Variants in ESPN observed in about 807,000 individuals in gnomAD.
ESPN encodes the protein espin, also known as autosomal recessive deafness type 36 protein.
ESPN carries 68 observed loss-of-function variants against 77.7 expected under a neutral mutation model. The ratio of observed to expected loss-of-function variants is 0.87; its 90% CI spans 0.72 to 1.07. ESPN has a LOEUF of 1.07. Ranked by LOEUF, ESPN falls within the 50% of genes least tolerant of loss-of-function variation. The probability of loss-of-function intolerance (pLI) is 0.00; values close to 1 mark genes in which losing one functional copy is unlikely to be tolerated. For synonymous variants in ESPN, 449 were observed against 567.1 expected (o/e 0.79, Z 2.96); for missense variants, 1,060 against 1,239.0 (o/e 0.86, Z 2.17).
Position 6,450,595 on chromosome 1 carries a change from G to C in ESPN, c.1916-1008G>C, listed in dbSNP as rs943367612. ...GGCAGGGGCAGGGGCTGGCAGGCGA[G>C]AGAACCTCGAAGAATGGGTGGGGCC... On this transcript the variant is annotated intron_variant, in intron 8 of 12. Coordinates refer to ENST00000645284, the MANE Select transcript of ESPN (RefSeq NM_031475.3). The surrounding 1 kb of genome is among the most constrained non-coding windows in gnomAD (Gnocchi z 4.3). 1 of 337,058 alleles carries C rather than the reference G, an allele frequency of 3.0e-6. No homozygotes were observed. The highest frequency in any genetic ancestry group is 4.2e-6 in the Non-Finnish European group (1 of 237,518). The allele number at this position is 337,058 out of a possible 1,614,324, so 20.9% of individuals were successfully genotyped here.
At chr1:6,441,660 C>T (rs1415259299) in intron 5 of ESPN, among the ~76,000 whole-genome samples, 2 of 152,268 alleles carry the variant, frequency 1.3e-5, no homozygotes, top group African/African-American at 4.8e-5. Flanking sequence ...TGGATGTCTC[C>T]AAGTGCAGGG....
chr1:6,427,003 C>T lies in ESPN; in HGVS notation c.295-1223C>T, dbSNP rs191899706. 2.0e-5 allele frequency among the ~76,000 whole-genome samples: 3 copies of T among 152,168 alleles called. No individual in the cohort carries two copies. The highest frequency in any genetic ancestry group is 7.2e-5 in the African/African-American group (3 of 41,522). ...TGCCTGAAGACCCTACTAGTGGCCC[C>T]GGCGCCCCCAGCTCCCTCCGTGCCC... On this transcript the variant is annotated intron_variant, in intron 1 of 12. Transcript: ENST00000645284. This position sits in a 1 kb window ranked among gnomAD's most constrained non-coding sequence, Gnocchi z 4.6.
intron 2 of ESPN, among the ~76,000 whole-genome samples, chr1:6,431,099 G>A (rs1200205994): frequency 2.6e-5 from 4 of 152,244 alleles, no homozygotes; most frequent in Non-Finnish European, 5.9e-5. Context: ...GCAGGGCTGT[G>A]GGGGTCAGGG....
rs144619618 is a variant in ESPN at position 6,428,028 on chromosome 1, C to T, written c.295-198C>T. Among the ~76,000 whole-genome samples the T allele has an allele frequency of 8.5e-3, 1,294 of 152,282 alleles. 75 individuals carry two copies. Among genetic ancestry groups the T allele is most frequent in the Non-Finnish European group, 1.8e-3 (125 of 68,024 alleles). On this transcript the variant is annotated intron_variant, in intron 1 of 12. Coordinates refer to ENST00000645284, the MANE Select transcript of ESPN (RefSeq NM_031475.3). This position sits in a 1 kb window ranked among gnomAD's most constrained non-coding sequence, Gnocchi z 5.4. ...CGGTTCAGAGAGGGCCAGTTAGTTG[C>T]CCAAGGACAGAAGCAGGACTCAAAC...
intron 2 of ESPN, among the ~76,000 whole-genome samples, chr1:6,435,869 A>G (rs1569617356): frequency 1.3e-5 from 2 of 152,252 alleles, no homozygotes; most frequent in South Asian, 2.1e-4. Flanking sequence ...GGGCTCTGCC[A>G]GCACTTCTCA....
chr1:6,430,418 C>G (rs1449100640), intron 2 of ESPN, among the ~76,000 whole-genome samples: 1 of 152,182 alleles, frequency 6.6e-6, no homozygotes, highest in Non-Finnish European at 1.5e-5. Context: ...TCAGCTAATT[C>G]CAGGTCTATA....
rs1443744287 is a variant in ESPN, at chr1:6,427,058, C to G, written c.295-1168C>G. ...TTCCTTGCATTTCTCACGGGAGCCT[C>G]AGAGGTTCTCTTCCCACCGTGATTT... On this transcript the variant is annotated intron_variant, in intron 1 of 12. Transcript: ENST00000645284. This position sits in a 1 kb window ranked among gnomAD's most constrained non-coding sequence, Gnocchi z 4.6. Among the ~76,000 whole-genome samples the G allele has an allele frequency of 2.0e-5, 3 of 152,048 alleles. No homozygotes were observed. The highest frequency in any genetic ancestry group is 4.4e-5 in the Non-Finnish European group (3 of 68,014).
At chr1:6,445,540 C>T (rs1306983745) in intron 6 of ESPN, 124 bp from the exon 7 acceptor site, 8 of 1,071,066 alleles carry the variant, frequency 7.5e-6, no homozygotes, top group Middle Eastern at 2.9e-4. Flanking sequence ...AGCAGGTGTA[C>T]CAAGTGGTGC....
At chr1:6,448,522 C>A in intron 7 of ESPN, 119 bp from the exon 8 acceptor site, 1 of 842,102 alleles carries the variant, frequency 1.2e-6, no homozygotes, top group Non-Finnish European at 1.8e-6. Context: ...AAGTCAGCTG[C>A]TGCACCCCTC....
rs1643874140 is a variant in ESPN, at chr1:6,447,641, C to T, written c.1465-1000C>T. On this transcript the variant is annotated intron_variant, in intron 7 of 12. Transcript: ENST00000645284. The surrounding 1 kb of genome is among the most constrained non-coding windows in gnomAD (Gnocchi z 5.2). ...GAAGCCACGCTGTCACCCGACCCCG[C>T]CTTACGGCCCCTGAAATCCGAGGCT... 6.6e-6 allele frequency among the ~76,000 whole-genome samples: 1 copy of T among 152,206 alleles called. No individual in the cohort carries two copies. The highest frequency in any genetic ancestry group is 2.4e-5 in the African/African-American group (1 of 41,448).
intron 10 of ESPN, chr1:6,456,787 G>T (rs1022384036): frequency 2.1e-5 from 7 of 331,078 alleles, no homozygotes; most frequent in Non-Finnish European, 3.9e-5. Flanking sequence ...CTTCACAGGG[G>T]AGCCAGGGGC....
chr1:6,441,181 G>C, intron 5 of ESPN, 116 bp downstream of exon 5: 1 of 1,408,940 alleles, frequency 7.1e-7, no homozygotes, highest in Non-Finnish European at 9.8e-7. Context: ...CGTGAAGCCC[G>C]CTACCCCACA....
chr1:6,451,523 G>C lies in ESPN; in HGVS notation c.1916-80G>C, dbSNP rs1643942305. The stretch of plus-strand genomic sequence containing the variant: ...ACCCATCCAATCTTGGCTTAGGAAA[G>C]GGGCTGCAGAGGGGCGGGTGAGGGG... On this transcript the variant is annotated intron_variant, in intron 8 of 12. Transcript: ENST00000645284. This position sits in a 1 kb window ranked among gnomAD's most constrained non-coding sequence, Gnocchi z 4.3. 7 of 1,559,724 alleles carry C rather than the reference G, an allele frequency of 4.5e-6. No homozygotes were observed. The highest frequency in any genetic ancestry group is 6.1e-6 in the Non-Finnish European group (7 of 1,148,378).
At position 6,451,984 on chromosome 1, in the gene ESPN, C is replaced by G. The variant is rs760438308; in HGVS notation, c.2213C>G (p.Ala738Gly). ...PAPGVQLDVE[A>G]LIPTHDEQGR... ...CCGGGAGTGCAGCTGGACGTGGAGG[C>G]TCTCATCCCCACGCACGATGAGCAG... The change falls in exon 10 of 13, where the codon GCT becomes GGT. Residue 738 changes from alanine to glycine, a missense_variant. Ala to Gly is a moderately conservative substitution (Grantham distance 60, BLOSUM62 0). Transcript: ENST00000645284. The surrounding 1 kb of genome is among the most constrained non-coding windows in gnomAD (Gnocchi z 4.3). 6.2e-7 allele frequency: 1 copy of G among 1,608,936 alleles called. No individual in the cohort carries two copies. The highest frequency in any genetic ancestry group is 1.1e-5 in the South Asian group (1 of 90,096).
At chr1:6,443,306 G>A (rs1488048239) in intron 5 of ESPN, 2 of 152,242 alleles carry the variant, frequency 1.3e-5, no homozygotes, top group South Asian at 2.1e-4. Context: ...TGACTCTCCC[G>A]AAATAGCTAG....
In ESPN at chr1:6,450,356, G is replaced by A. The variant is rs2148536191; in HGVS notation, c.1916-1247G>A. ...ACTTCCCCCCCGCCCGCTCTCCCTG[G>A]CCCGCTCCCTGTCCCCTGCTGTCCC... is the stretch of plus-strand genomic sequence containing the variant. On this transcript the variant is annotated intron_variant, in intron 8 of 12. Transcript: ENST00000645284. This position sits in a 1 kb window ranked among gnomAD's most constrained non-coding sequence, Gnocchi z 4.3. 1 of 405,000 alleles carries A rather than the reference G, an allele frequency of 2.5e-6. No individual in the cohort carries two copies. Among genetic ancestry groups the A allele is most frequent in the Non-Finnish European group, 3.3e-6 (1 of 299,300 alleles). The allele number at this position is 405,000 out of a possible 1,614,324, so 25.1% of individuals were successfully genotyped here.
chr1:6,448,393 C>T (rs1048842736), intron 7 of ESPN: 3 of 476,832 alleles, frequency 6.3e-6, no homozygotes, highest in Non-Finnish European at 1.1e-5. Flanking sequence ...CAGTGGGGGC[C>T]CCTGTGCCCC....
intron 2 of ESPN, among the ~76,000 whole-genome samples, chr1:6,436,399 T>A (rs1301552370): frequency 6.6e-6 from 1 of 152,160 alleles, no homozygotes; most frequent in Non-Finnish European, 1.5e-5. Flanking sequence ...GAGTAATCAT[T>A]CAGTAAATGG....
intron 2 of ESPN, among the ~76,000 whole-genome samples, chr1:6,436,997 T>A (rs2006010): frequency 1.4e-3 from 215 of 151,782 alleles, no homozygotes; most frequent in African/African-American, 4.8e-3. Context: ...CCCCTCCCCC[T>A]CAGCCCATCA....
Sources: gnomAD v4.1 joint callset for allele counts (sites outside exome capture counted in the v4.1 genomes callset) on GRCh38, gnomAD v4.1.1 for gene constraint, Gnocchi (gnomAD v3.1) non-coding constraint, MANE v1.5 for transcripts, NCBI Gene and HGNC (gene_info 2026-07-23, HGNC 2026-07-21) for gene names.